ADGRL2: variants seen among roughly 807,000 people sequenced by gnomAD.
ADGRL2 encodes the protein adhesion G protein-coupled receptor L2.
A neutral mutation model predicts 157.4 loss-of-function variants in ADGRL2; 44 were observed. The observed-to-expected ratio is 0.28, with a 90% CI of 0.22 to 0.36. The LOEUF (loss-of-function observed/expected upper bound fraction) is 0.36, where lower values mean the gene tolerates loss of function less well. Ranked by LOEUF, ADGRL2 falls within the 10% of genes least tolerant of loss-of-function variation. The pLI is 1.00. For synonymous variants in ADGRL2, 585 were observed against 624.7 expected (o/e 0.94, Z 0.95); for missense variants, 1,510 against 1,768.9 (o/e 0.85, Z 2.63).
chr1:81,561,184 T>C (rs1352682993), intron 2 of ADGRL2, among the ~76,000 whole-genome samples: 1 of 152,006 alleles, frequency 6.6e-6, no homozygotes, highest in African/African-American at 2.4e-5. Flanking sequence ...TTTCACCTTC[T>C]AACACATATA....
intron 3 of ADGRL2, among the ~76,000 whole-genome samples, chr1:81,638,852 A>C (rs2082163031): frequency 6.6e-6 from 1 of 152,144 alleles, no homozygotes; most frequent in Non-Finnish European, 1.5e-5. Flanking sequence ...AAAAATACAA[A>C]AATTAGCCTG....
chr1:81,441,153 T>C (rs2077501079), intron 1 of ADGRL2, among the ~76,000 whole-genome samples: 1 of 152,204 alleles, frequency 6.6e-6, no homozygotes, highest in Non-Finnish European at 1.5e-5. Flanking sequence ...TAGTACTAGT[T>C]ACTAGTAAAT....
At chr1:81,706,813 T>C (rs2083752026) in intron 1 of ADGRL2, among the ~76,000 whole-genome samples, 1 of 152,054 alleles carries the variant, frequency 6.6e-6, no homozygotes, top group African/African-American at 2.4e-5. Flanking sequence ...AGATGGAATA[T>C]GAGAACATTA....
chr1:81,470,621 T>G (rs1321341848), intron 2 of ADGRL2, among the ~76,000 whole-genome samples: 4 of 152,186 alleles, frequency 2.6e-5, no homozygotes, highest in African/African-American at 9.7e-5. Context: ...TTTTTTAAAG[T>G]CAAAGAAACA....
At chr1:81,341,564 G>A (rs1231127725) in intron 1 of ADGRL2, among the ~76,000 whole-genome samples, 3 of 152,072 alleles carry the variant, frequency 2.0e-5, no homozygotes, top group Admixed American at 6.6e-5. Context: ...TAGTAAGCAT[G>A]TATATTAGCC....
At chr1:81,574,329 A>G (rs1570543834) in intron 2 of ADGRL2, among the ~76,000 whole-genome samples, 1 of 152,176 alleles carries the variant, frequency 6.6e-6, no homozygotes, top group Non-Finnish European at 1.5e-5. Context: ...CTTTCCGGAA[A>G]TTAAAATCAT....
intron 1 of ADGRL2, among the ~76,000 whole-genome samples, chr1:81,384,814 A>C (rs1040099493): frequency 6.6e-6 from 1 of 151,008 alleles, no homozygotes; most frequent in Non-Finnish European, 1.5e-5. Flanking sequence ...TGTAGCTGGT[A>C]ATAGATTAGG....
At chr1:81,952,916 G>T (rs1652311724) in intron 9 of ADGRL2, 71 bp from the exon 10 acceptor site, 2 of 1,246,406 alleles carry the variant, frequency 1.6e-6, no homozygotes, top group Non-Finnish European at 2.4e-6. Flanking sequence ...TAATTTTTGA[G>T]GATTTCTTCT....
chr1:81,616,333 T>C (rs1557508844), intron 3 of ADGRL2, among the ~76,000 whole-genome samples: 1 of 152,190 alleles, frequency 6.6e-6, no homozygotes. Flanking sequence ...AGGAGCTGCC[T>C]AGGTTGCCCT....
intron 3 of ADGRL2, among the ~76,000 whole-genome samples, chr1:81,594,829 C>T (rs1453932576): frequency 6.6e-6 from 1 of 152,182 alleles, no homozygotes; most frequent in Non-Finnish European, 1.5e-5. Flanking sequence ...AAATCATTTT[C>T]AGTCCAAATG....
intron 3 of ADGRL2, among the ~76,000 whole-genome samples, chr1:81,628,984 T>C (rs201381287): frequency 1.2e-4 from 18 of 152,352 alleles, no homozygotes; most frequent in East Asian, 1.2e-3. Context: ...GATTGTATAT[T>C]ATTCCTAAGT....
At chr1:81,839,957 TACAC>T (rs1341785098) in intron 2 of ADGRL2, among the ~76,000 whole-genome samples, 2 of 112,400 alleles carry the variant, frequency 1.8e-5, no homozygotes, top group Admixed American at 1.8e-4. Context: ...TATATATAAA[TACAC>T]ACAACACACA....
chr1:81,680,109 A>G (rs760133023), intron 3 of ADGRL2, among the ~76,000 whole-genome samples: 25 of 152,206 alleles, frequency 1.6e-4, no homozygotes, highest in Non-Finnish European at 3.1e-4. Flanking sequence ...AGCTGCCTTG[A>G]TGCACTGTTC....
At chr1:81,637,090 C>T (rs1039943759) in intron 3 of ADGRL2, among the ~76,000 whole-genome samples, 6 of 152,096 alleles carry the variant, frequency 3.9e-5, no homozygotes, top group East Asian at 3.9e-4. Context: ...GTGATCCACC[C>T]GCCTCAGCCT....
chr1:81,868,971 G>A (rs149780106), intron 2 of ADGRL2, among the ~76,000 whole-genome samples: 1 of 152,232 alleles, frequency 6.6e-6, no homozygotes, highest in African/African-American at 2.4e-5. Context: ...GGATTTGAAA[G>A]GATGTTGTGA....
chr1:81,749,194 T>A (rs925236799), intron 1 of ADGRL2, among the ~76,000 whole-genome samples: 1 of 152,190 alleles, frequency 6.6e-6, no homozygotes, highest in African/African-American at 2.4e-5. Context: ...AATTTACCAT[T>A]TTGATTGCTA....
At chr1:81,512,073 T>G (rs1364645421) in intron 2 of ADGRL2, among the ~76,000 whole-genome samples, 1 of 152,166 alleles carries the variant, frequency 6.6e-6, no homozygotes, top group Non-Finnish European at 1.5e-5. Context: ...TGAGGAGATT[T>G]TAAACACGTC....
At chr1:81,338,070 A>G (rs1201707101) in intron 1 of ADGRL2, among the ~76,000 whole-genome samples, 1 of 152,210 alleles carries the variant, frequency 6.6e-6, no homozygotes, top group Non-Finnish European at 1.5e-5. Context: ...ACTACAATTC[A>G]GACTACTCTT....
At chr1:81,498,815 T>C (rs1025517272) in intron 2 of ADGRL2, among the ~76,000 whole-genome samples, 5 of 152,146 alleles carry the variant, frequency 3.3e-5, no homozygotes, top group Admixed American at 2.6e-4. Flanking sequence ...AATAAGTCTT[T>C]AAATATTTGC....
Sources: allele counts gnomAD v4.1 joint callset (sites outside exome capture counted in the v4.1 genomes callset), GRCh38; gene constraint gnomAD v4.1.1; transcripts MANE v1.5; gene names NCBI Gene and HGNC (gene_info 2026-07-23, HGNC 2026-07-21).